Variants in LOXHD1 observed in about 807,000 individuals in gnomAD.
LOXHD1 encodes the protein lipoxygenase homology domain-containing protein 1.
In LOXHD1, 205 loss-of-function variants were observed where a neutral mutation model predicts 248.2. The ratio of observed to expected loss-of-function variants is 0.83; its 90% CI spans 0.74 to 0.93. LOXHD1 has a LOEUF of 0.93. LOXHD1 is among the 40% of genes least tolerant of loss of function. The pLI is 0.00. For synonymous variants in LOXHD1, 1,113 were observed against 1,162.8 expected (o/e 0.96, Z 0.87); for missense variants, 2,930 against 2,971.6 (o/e 0.99, Z 0.33).
chr18:46,548,979 C>A (rs536228001), intron 21 of LOXHD1, among the ~76,000 whole-genome samples: 3 of 152,136 alleles, frequency 2.0e-5, no homozygotes, highest in African/African-American at 7.2e-5. Context: ...CTCCTTGTAC[C>A]GACAGAACCA....
Position 46,563,788 on chromosome 18 carries a change from A to C in LOXHD1, c.2438-563T>G, listed in dbSNP as rs2037579309. Among the ~76,000 whole-genome samples, 3 of 152,322 alleles carry C rather than the reference A, an allele frequency of 2.0e-5. No individual in the cohort carries two copies. The South Asian group carries it at 6.2e-4, about 32-fold the overall frequency. ...CTAATCCAAGCTGATTGGCGTCCTT[A>C]TAAGAAAAGGAAATTGTGGCACACA... is the stretch of plus-strand genomic sequence containing the variant. On this transcript the variant is annotated intron_variant, in intron 17 of 40. Transcript: ENST00000642948.
At chr18:46,560,002 G>C (rs1354541833) in intron 19 of LOXHD1, 81 bp downstream of exon 19, 2 of 1,448,940 alleles carry the variant, frequency 1.4e-6, no homozygotes, top group East Asian at 5.0e-5. Flanking sequence ...GGGGATCTAG[G>C]CCCCCTGCCC....
intron 15 of LOXHD1, 128 bp downstream of exon 15, chr18:46,571,958 C>T (rs932887095): frequency 2.7e-5 from 21 of 789,546 alleles, no homozygotes; most frequent in Non-Finnish European, 4.2e-5. Flanking sequence ...CGGAGCCTCC[C>T]TCTCCTCCCT....
At chr18:46,564,326 T>A (rs986548539) in intron 17 of LOXHD1, among the ~76,000 whole-genome samples, 1 of 151,994 alleles carries the variant, frequency 6.6e-6, no homozygotes, top group Non-Finnish European at 1.5e-5. Flanking sequence ...GAGTTCAAGA[T>A]CAGCCTGGGC....
chr18:46,643,333 A>AG (rs921753157), intron 2 of LOXHD1, among the ~76,000 whole-genome samples: 2 of 152,210 alleles, frequency 1.3e-5, no homozygotes, highest in Non-Finnish European at 2.9e-5. Flanking sequence ...TTAGGAAGGG[A>AG]GGGAGGAAGC....
intron 11 of LOXHD1, among the ~76,000 whole-genome samples, 160 bp downstream of exon 11, chr18:46,592,338 G>T (rs1399522435): frequency 6.6e-6 from 1 of 152,126 alleles, no homozygotes; most frequent in Non-Finnish European, 1.5e-5. Flanking sequence ...CCATTAGGAA[G>T]TCCCTGTGGC....
chr18:46,563,682 A>G (rs1018016221), intron 17 of LOXHD1, among the ~76,000 whole-genome samples: 1 of 152,204 alleles, frequency 6.6e-6, no homozygotes, highest in Non-Finnish European at 1.5e-5. Flanking sequence ...ACTAACCCCA[A>G]TACCTCAGAA....
chr18:46,641,230 G>A (rs1456769808), intron 3 of LOXHD1, among the ~76,000 whole-genome samples: 3 of 152,116 alleles, frequency 2.0e-5, no homozygotes, highest in East Asian at 1.9e-4. Context: ...AAAAAATCAG[G>A]ACTAAACTGA....
chr18:46,592,561 C>G lies in LOXHD1; in HGVS notation c.1455G>C (p.Arg485Ser). The G allele has an allele frequency of 1.3e-6, 2 of 1,551,600 alleles. No individual in the cohort carries two copies. The highest frequency in any genetic ancestry group is 3.9e-5 in the Admixed American group (2 of 51,000). The change falls in exon 11 of 41, where the codon AGG (arginine) becomes AGC (serine). Residue 485 changes from arginine to serine, a missense_variant. Transcript: ENST00000642948. ...CATGCCATACTCGAATCTTATAAAA[C>G]CTGCCAAGATCCGGGAGCTCAATCT... ...KFRIELPDLG[R>S]FYKIRVWHDK... is the part of the protein sequence containing the mutation.
At chr18:46,564,986 A>C (rs116539486) in intron 17 of LOXHD1, among the ~76,000 whole-genome samples, 2,936 of 152,176 alleles carry the variant, frequency 0.019, 112 homozygotes, top group African/African-American at 0.067. Context: ...AGGTGAGGCC[A>C]GTCGTAGTGG....
At position 46,485,126 on chromosome 18, in the gene LOXHD1, GC is replaced by G. The variant is rs1442485603; in HGVS notation, c.6074del (p.Gly2025AlafsTer136). On this transcript the variant is annotated frameshift_variant, in exon 39 of 41. Transcript: ENST00000642948. LOFTEE classifies it high-confidence loss of function. ...CGTTCTCCCTGGTTTCGCCTCCGTT[GC>G]CCGTTTCTATGACGATCTCGTAGGC... is the stretch of plus-strand genomic sequence containing the variant. ...ETTYEIVIET[G>X]NGGETRENVW... 3 of 1,548,984 alleles carry G rather than the reference GC, an allele frequency of 1.9e-6. No individual in the cohort carries two copies. The East Asian group carries it at 7.3e-5, about 38-fold the overall frequency.
intron 33 of LOXHD1, among the ~76,000 whole-genome samples, chr18:46,518,593 T>C (rs957098234): frequency 6.6e-6 from 1 of 152,262 alleles, no homozygotes; most frequent in Non-Finnish European, 1.5e-5. Flanking sequence ...CAGTGGCCTT[T>C]GGAGCCCTCC....
At chr18:46,653,814 C>T (rs1261937461) in intron 1 of LOXHD1, among the ~76,000 whole-genome samples, 1 of 152,212 alleles carries the variant, frequency 6.6e-6, no homozygotes, top group African/African-American at 2.4e-5. Flanking sequence ...GGAATAAATT[C>T]TTCCTTGAAG....
chr18:46,496,549 T>C (rs79083800), intron 37 of LOXHD1, among the ~76,000 whole-genome samples: 2,509 of 152,332 alleles, frequency 0.016, 33 homozygotes, highest in Middle Eastern at 0.034. Context: ...AAGTGTGGCA[T>C]AGAGAGAGTC....
chr18:46,567,245 C>A (rs1435704111), intron 16 of LOXHD1, among the ~76,000 whole-genome samples: 1 of 152,212 alleles, frequency 6.6e-6, no homozygotes, highest in Admixed American at 6.5e-5. Context: ...CCTTCCAGCC[C>A]TGAGATTCTC....
intron 37 of LOXHD1, among the ~76,000 whole-genome samples, chr18:46,499,616 A>G (rs1186289339): frequency 6.6e-6 from 1 of 152,170 alleles, no homozygotes; most frequent in Non-Finnish European, 1.5e-5. Context: ...CAGAGAGCAG[A>G]GAGAGTGAGG....
At chr18:46,562,258 A>C (rs905011247) in intron 18 of LOXHD1, among the ~76,000 whole-genome samples, 7 of 152,180 alleles carry the variant, frequency 4.6e-5, no homozygotes, top group African/African-American at 1.7e-4. Flanking sequence ...TTCAGCCAGG[A>C]CTGTCTTCCC....
Position 46,547,004 on chromosome 18 carries a change from C to G in LOXHD1, c.3405G>C (p.Leu1135=), listed in dbSNP as rs1258468220. 6.4e-7 allele frequency: 1 copy of G among 1,551,774 alleles called. No individual in the cohort carries two copies. The highest frequency in any genetic ancestry group is 2.4e-5 in the East Asian group (1 of 40,922). Residue 1135 remains leucine (L), a synonymous_variant, in exon 22 of 41, where the codon CTG becomes CTC. Transcript: ENST00000642948. ...CATCCACTGGCAACAGCTCCCTGGACAGCTGGCCATCATCTTCCTCCACTG... is the reference window on the plus strand; with the variant it reads ...CATCCACTGGCAACAGCTCCCTGGAGAGCTGGCCATCATCTTCCTCCACTG... The part of the protein sequence containing the change: ...WLAVEEDDGQ[L]SRELLPVDES...
intron 33 of LOXHD1, among the ~76,000 whole-genome samples, chr18:46,520,119 TG>T (rs1393461090): frequency 2.0e-5 from 3 of 152,072 alleles, no homozygotes; most frequent in Non-Finnish European, 4.4e-5. Context: ...TGGAGATGTC[TG>T]GGGGGTAGGG....
Sources: allele counts gnomAD v4.1 joint callset (sites outside exome capture counted in the v4.1 genomes callset), GRCh38; gene constraint gnomAD v4.1.1; transcripts MANE v1.5; gene names NCBI Gene and HGNC (gene_info 2026-07-23, HGNC 2026-07-21).